The following OFD1 variants were observed in gnomAD, a reference collection of about 807,000 sequenced individuals.
OFD1 encodes the protein centriole and centriolar satellite protein OFD1.
A neutral mutation model predicts 81.4 loss-of-function variants in OFD1; 12 were observed. That is an observed-to-expected ratio of 0.15 (90% confidence interval 0.09 to 0.24). The LOEUF (loss-of-function observed/expected upper bound fraction) is 0.24, where lower values mean the gene tolerates loss of function less well. Ranked by LOEUF, OFD1 falls within the 10% of genes least tolerant of loss-of-function variation. OFD1 has a pLI of 1.00. For synonymous variants in OFD1, 256 were observed against 263.7 expected (o/e 0.97, Z 0.28); for missense variants, 685 against 733.9 (o/e 0.93, Z 0.77).
intron 11 of OFD1, among the ~76,000 whole-genome samples, chrX:13,754,655 G>C (rs925319135): frequency 4.5e-5 from 5 of 111,515 alleles, no homozygotes; most frequent in Admixed American, 1.9e-4. Context: ...TGGTCCGCCT[G>C]ACTTGGCCTC....
At chrX:13,741,021 TC>T (rs1399747064) in intron 5 of OFD1, among the ~76,000 whole-genome samples, 4 of 109,077 alleles carry the variant, frequency 3.7e-5, no homozygotes, top group Non-Finnish European at 7.6e-5. Flanking sequence ...GCACCTGTAG[TC>T]CCAGCTATTT....
At chrX:13,765,954 G>T (rs1251497115) in intron 19 of OFD1, among the ~76,000 whole-genome samples, 1 of 112,021 alleles carries the variant, frequency 8.9e-6, no homozygotes, top group Admixed American at 9.5e-5. Flanking sequence ...ATTTCAGTTG[G>T]GTCTTGAATA....
intron 22 of OFD1, 121 bp downstream of exon 22, chrX:13,768,906 T>G (rs2048235467): frequency 2.6e-6 from 2 of 781,317 alleles, no homozygotes; most frequent in Non-Finnish European, 3.9e-6. Context: ...AATTAGTGAC[T>G]ATAAAAACAA....
intron 9 of OFD1, 106 bp from the exon 10 acceptor site, chrX:13,751,143 C>A: frequency 1.4e-6 from 1 of 728,884 alleles, no homozygotes; most frequent in Non-Finnish European, 2.1e-6. Flanking sequence ...GTAGTGATAT[C>A]ATGTAGCAGT....
At chrX:13,759,284 G>C (rs2047834996) in intron 15 of OFD1, among the ~76,000 whole-genome samples, 1 of 111,929 alleles carries the variant, frequency 8.9e-6, no homozygotes, top group African/African-American at 3.3e-5. Context: ...ACTCGTTTCT[G>C]CTTTTTTCTG....
the OFD1 span, among the ~76,000 whole-genome samples, chrX:13,722,664 GAC>G: frequency 2.7e-5 from 3 of 111,948 alleles, no homozygotes; most frequent in Non-Finnish European, 5.6e-5. Flanking sequence ...GCAAAGGTAA[GAC>G]ACACGCTAGG....
At chrX:13,761,290 A>ATTTTT in intron 17 of OFD1, 79 bp downstream of exon 17, 1 of 860,758 alleles carries the variant, frequency 1.2e-6, no homozygotes, top group Non-Finnish European at 1.6e-6. Flanking sequence ...TTTTACTGGG[A>ATTTTT]TTTTTTTTTT....
chrX:13,762,796 G>C (rs979551247), intron 18 of OFD1, among the ~76,000 whole-genome samples: 2 of 111,681 alleles, frequency 1.8e-5, no homozygotes, highest in South Asian at 3.7e-4. Context: ...GTCTCTCTCT[G>C]TTGCCCAGGC....
In OFD1 at chrX:13,746,302, G is replaced by A. The variant is rs1569121158; in HGVS notation, c.518-17G>A. On this transcript the variant is annotated splice_polypyrimidine_tract_variant and intron_variant, in intron 6 of 22. Coordinates refer to ENST00000340096, the MANE Select transcript of OFD1 (RefSeq NM_003611.3). ...CGATGTTTCTATGTCCTAATTTGAT[G>A]TGTTATTTTTTAATAGCTGAGAAGC... 1.7e-6 allele frequency: 2 copies of A among 1,202,732 alleles called. No homozygotes were observed. Among genetic ancestry groups the A allele is most frequent in the South Asian group, 1.8e-5 (1 of 56,789 alleles).
At chrX:13,716,227 T>C in the OFD1 span, 2 of 719,012 alleles carry the variant, frequency 2.8e-6, no homozygotes, top group Non-Finnish European at 4.0e-6. Context: ...GGTTTAAAAT[T>C]AGCTTAGTTT....
chrX:13,723,938 C>T, the OFD1 span, among the ~76,000 whole-genome samples: 2,309 of 111,150 alleles, frequency 0.021, 27 homozygotes, highest in Non-Finnish European at 0.032. Flanking sequence ...CCAGGTGGAC[C>T]CAATGTCATG....
intron 21 of OFD1, 109 bp from the exon 22 acceptor site, chrX:13,768,606 CTCT>C (rs1345372894): frequency 1.6e-6 from 1 of 632,751 alleles, no homozygotes; most frequent in African/African-American, 2.2e-5. Context: ...TAAAAGTCAC[CTCT>C]TTTTTAGACT....
the OFD1 span, among the ~76,000 whole-genome samples, chrX:13,718,119 T>A: frequency 1.8e-5 from 2 of 112,319 alleles, no homozygotes; most frequent in Non-Finnish European, 3.8e-5. Flanking sequence ...ATGGTGGCCC[T>A]CAGAACTGAG....
intron 8 of OFD1, among the ~76,000 whole-genome samples, chrX:13,748,766 G>C (rs2047390246): frequency 9.0e-6 from 1 of 111,278 alleles, no homozygotes; most frequent in Non-Finnish European, 1.9e-5. Context: ...AATTCTTTTG[G>C]AGTTTTACTG....
chrX:13,759,659 A>G (rs914623001), intron 15 of OFD1, among the ~76,000 whole-genome samples: 2 of 112,199 alleles, frequency 1.8e-5, no homozygotes, highest in African/African-American at 6.5e-5. Context: ...GGATTTCGCA[A>G]TAGCCCTGGG....
chrX:13,744,183 C>G (rs1326590010), intron 5 of OFD1, among the ~76,000 whole-genome samples: 1 of 111,036 alleles, frequency 9.0e-6, no homozygotes, highest in East Asian at 2.8e-4. Context: ...GTCCCAGCTA[C>G]TTGGGAGACT....
At chrX:13,721,309 A>G in the OFD1 span, 17 of 112,540 alleles carry the variant, frequency 1.5e-4, no homozygotes, top group Admixed American at 1.5e-3. Context: ...CATCTGTTAA[A>G]TAGTGCTAAC....
At chrX:13,735,221 G>C (rs1343722422) in intron 1 of OFD1, 27 bp from the exon 2 acceptor site, 5 of 1,202,996 alleles carry the variant, frequency 4.2e-6, no homozygotes, top group Non-Finnish European at 3.4e-6. Context: ...TGCCCCGCAG[G>C]TAACCTATAA....
intron 11 of OFD1, among the ~76,000 whole-genome samples, chrX:13,754,504 C>T (rs763881455): frequency 8.3e-5 from 9 of 108,352 alleles, no homozygotes; most frequent in Non-Finnish European, 1.3e-4. Context: ...GCAACCTCTG[C>T]CTCCTGGGTT....
Sources: allele counts gnomAD v4.1 joint callset (sites outside exome capture counted in the v4.1 genomes callset), GRCh38; gene constraint gnomAD v4.1.1; transcripts MANE v1.5; gene names NCBI Gene and HGNC (gene_info 2026-07-23, HGNC 2026-07-21).